The following THSD7A variants were observed in gnomAD, a reference collection of about 807,000 sequenced individuals.
The protein encoded by THSD7A is thrombospondin type 1 domain containing 7A.
A neutral mutation model predicts 231.3 loss-of-function variants in THSD7A; 96 were observed. The observed-to-expected ratio is 0.41, with a 90% CI of 0.35 to 0.49. The LOEUF (loss-of-function observed/expected upper bound fraction) is 0.49. THSD7A is among the 20% of genes least tolerant of loss of function. THSD7A has a pLI of 0.05. For synonymous variants in THSD7A, 940 were observed against 743.3 expected, an observed-to-expected ratio of 1.26 and a Z score of -4.30; for missense variants, 2,290 against 2,070.2, an observed-to-expected ratio of 1.11 and a Z score of -2.06.
chr7:11,666,992 A>C lies in THSD7A; in HGVS notation c.191-30031T>G, dbSNP rs1373541908. On this transcript the variant is annotated intron_variant, in intron 1 of 27. Coordinates refer to ENST00000423059, the MANE Select transcript of THSD7A (RefSeq NM_015204.3). ...AATAGCACTCTTTAGTTTTTTTAAAAAAACAGATATTAATTTGTTTAGGTT... is the reference window on the plus strand; with the variant it reads ...AATAGCACTCTTTAGTTTTTTTAAACAAACAGATATTAATTTGTTTAGGTT... Among the ~76,000 whole-genome samples the C allele has an allele frequency of 3.3e-5, 5 of 152,126 alleles. No individual in the cohort carries two copies. In the East Asian group the frequency reaches 9.6e-4, roughly 29 times the overall value.
rs545109796 is a variant in THSD7A at position 11,734,780 on chromosome 7, G to A, written c.190+96977C>T. ...TTCATTTCATACAAGGCATAACACAGTGCTTCACCATATTTCCTGAAAAGT... is the reference window on the plus strand; with the variant it reads ...TTCATTTCATACAAGGCATAACACAATGCTTCACCATATTTCCTGAAAAGT... On this transcript the variant is annotated intron_variant, in intron 1 of 27. Coordinates refer to ENST00000423059, the MANE Select transcript of THSD7A (RefSeq NM_015204.3). Among the ~76,000 whole-genome samples the A allele has an allele frequency of 9.2e-5, 14 of 152,022 alleles. No individual in the cohort carries two copies. In the East Asian group the frequency reaches 2.1e-3, roughly 23 times the overall value.
intron 4 of THSD7A, among the ~76,000 whole-genome samples, chr7:11,546,796 A>G (rs1005233667): frequency 1.1e-4 from 17 of 152,196 alleles, no homozygotes; most frequent in African/African-American, 4.1e-4. Flanking sequence ...GAGAAAGTTG[A>G]AACCCGATCC....
chr7:11,689,811 T>TAAAAAAAAAA, intron 1 of THSD7A, among the ~76,000 whole-genome samples: 1 of 129,528 alleles, frequency 7.7e-6, no homozygotes, highest in Non-Finnish European at 1.6e-5. Flanking sequence ...TGGAATTAGT[T>TAAAAAAAAAA]AAAAAAAAAA....
At chr7:11,682,211 A>G (rs1218857625) in intron 1 of THSD7A, among the ~76,000 whole-genome samples, 1 of 152,116 alleles carries the variant, frequency 6.6e-6, no homozygotes, top group African/African-American at 2.4e-5. Context: ...GAGTACAAAG[A>G]AACTGGCTAA....
chr7:11,481,690 T>C, intron 7 of THSD7A, 98 bp downstream of exon 7: 1 of 1,273,372 alleles, frequency 7.9e-7, no homozygotes, highest in Non-Finnish European at 1.1e-6. Context: ...TTTCTGGTTG[T>C]TGACTTTCAT....
intron 2 of THSD7A, among the ~76,000 whole-genome samples, chr7:11,635,749 C>T (rs558176548): frequency 1.3e-5 from 2 of 152,124 alleles, no homozygotes; most frequent in Non-Finnish European, 2.9e-5. Flanking sequence ...ACAACTATGC[C>T]TTTTTCTATT....
At position 11,444,910 on chromosome 7, in the gene THSD7A, T is replaced by C. The variant is rs887427617; in HGVS notation, c.3064+1151A>G. Among the ~76,000 whole-genome samples, 3 of 147,814 alleles carry C rather than the reference T, an allele frequency of 2.0e-5. No homozygotes were observed. Among genetic ancestry groups the C allele is most frequent in the South Asian group, 4.2e-4 (2 of 4,762 alleles). On this transcript the variant is annotated intron_variant, in intron 13 of 27. Transcript: ENST00000423059. The surrounding 1 kb of genome is among the most constrained non-coding windows in gnomAD (Gnocchi z 4.2). ...ATATATATATAAAATGCTGTATATA[T>C]ATAATGAAACTATATATGTATATAT...
At chr7:11,638,715 A>C (rs1781963775) in intron 1 of THSD7A, among the ~76,000 whole-genome samples, 1 of 152,130 alleles carries the variant, frequency 6.6e-6, no homozygotes, top group African/African-American at 2.4e-5. Context: ...GGGATATAAA[A>C]TACTCAAGGA....
At chr7:11,471,740 T>G (rs561023074) in intron 8 of THSD7A, among the ~76,000 whole-genome samples, 2 of 152,212 alleles carry the variant, frequency 1.3e-5, no homozygotes, top group African/African-American at 4.8e-5. Flanking sequence ...AGCAAATTTA[T>G]TATTACATGT....
chr7:11,402,835 T>C (rs1290598628), intron 22 of THSD7A, among the ~76,000 whole-genome samples: 2 of 152,232 alleles, frequency 1.3e-5, no homozygotes, highest in Non-Finnish European at 1.5e-5. Context: ...TGTGTGAATA[T>C]ATCATAATTT....
At chr7:11,516,316 A>G (rs1788028177) in intron 6 of THSD7A, among the ~76,000 whole-genome samples, 2 of 152,232 alleles carry the variant, frequency 1.3e-5, no homozygotes, top group Non-Finnish European at 2.9e-5. Flanking sequence ...GAAACAAGGC[A>G]GAATACAAGA....
rs2074598 is a variant in THSD7A at position 11,636,750 on chromosome 7, G to T, written c.402C>A (p.Pro134=). ...WRLGPWNQCQ[P]VISKSLEKPL... Reference sequence around the variant, plus strand: ...GTTTCTCTAGGCTTTTTGAAATCACGGGCTGACACTGATTCCAAGGTCCCA... The same window carrying T: ...GTTTCTCTAGGCTTTTTGAAATCACTGGCTGACACTGATTCCAAGGTCCCA... The change falls in exon 2 of 28, where the codon CCC becomes CCA. Residue 134 remains proline (P), a synonymous_variant. Transcript: ENST00000423059. The surrounding 1 kb of genome is among the most constrained non-coding windows in gnomAD (Gnocchi z 10.0). 1.9e-6 allele frequency: 3 copies of T among 1,613,642 alleles called. No homozygotes were observed. The highest frequency in any genetic ancestry group is 2.2e-5 in the East Asian group (1 of 44,860).
At position 11,590,943 on chromosome 7, in the gene THSD7A, T is replaced by A. The variant is rs1780138418; in HGVS notation, c.1272-302A>T. Among the ~76,000 whole-genome samples, 1 of 152,188 alleles carries A rather than the reference T, an allele frequency of 6.6e-6. No homozygotes were observed. The highest frequency in any genetic ancestry group is 2.4e-5 in the African/African-American group (1 of 41,446). ...CATGAAATTTTATGTTCAATTAAGC[T>A]GAACCCAGGCTTGCCCTTTCTTGTT... is the stretch of plus-strand genomic sequence containing the variant. On this transcript the variant is annotated intron_variant, in intron 3 of 27. Coordinates refer to ENST00000423059, the MANE Select transcript of THSD7A (RefSeq NM_015204.3). The surrounding 1 kb of genome is among the most constrained non-coding windows in gnomAD (Gnocchi z 4.4).
At chr7:11,811,999 T>TG (rs1296266702) in intron 1 of THSD7A, among the ~76,000 whole-genome samples, 2 of 151,896 alleles carry the variant, frequency 1.3e-5, no homozygotes, top group Non-Finnish European at 2.9e-5. Flanking sequence ...ACAACACAGG[T>TG]GGTCAGACAA....
chr7:11,540,450 G>C (rs2128322280), intron 6 of THSD7A, among the ~76,000 whole-genome samples: 1 of 152,304 alleles, frequency 6.6e-6, no homozygotes, highest in Middle Eastern at 3.4e-3. Context: ...AATTATGACG[G>C]TTACCAGATG....
At chr7:11,410,027 C>A (rs1783726875) in intron 19 of THSD7A, among the ~76,000 whole-genome samples, 1 of 152,122 alleles carries the variant, frequency 6.6e-6, no homozygotes, top group African/African-American at 2.4e-5. Flanking sequence ...GAGGCTTGAG[C>A]CACCCTACTC....
intron 1 of THSD7A, among the ~76,000 whole-genome samples, chr7:11,736,808 C>T (rs1184678385): frequency 6.6e-6 from 1 of 151,856 alleles, no homozygotes; most frequent in Non-Finnish European, 1.5e-5. Flanking sequence ...GACCATGGCC[C>T]CACCCAAATC....
intron 23 of THSD7A, among the ~76,000 whole-genome samples, chr7:11,399,235 T>C (rs906941924): frequency 2.6e-5 from 4 of 152,230 alleles, no homozygotes; most frequent in South Asian, 2.1e-4. Flanking sequence ...ATATAATCTA[T>C]GGTGTAGGTT....
intron 1 of THSD7A, among the ~76,000 whole-genome samples, chr7:11,739,942 G>A (rs1782051267): frequency 6.6e-6 from 1 of 151,886 alleles, no homozygotes; most frequent in Non-Finnish European, 1.5e-5. Context: ...GTGCTAGCTT[G>A]GTATCAAAAC....
Sources: allele counts gnomAD v4.1 joint callset (sites outside exome capture counted in the v4.1 genomes callset), GRCh38; gene constraint gnomAD v4.1.1; non-coding constraint Gnocchi (gnomAD v3.1); transcripts MANE v1.5; gene names NCBI Gene and HGNC (gene_info 2026-07-23, HGNC 2026-07-21).